Variants in LRRTM4 observed in about 807,000 individuals in gnomAD.
LRRTM4 encodes leucine rich repeat transmembrane neuronal 4, also known as leucine-rich repeat transmembrane neuronal protein 4.
In LRRTM4, 25 loss-of-function variants were observed where a neutral mutation model predicts 47.6. The ratio of observed to expected loss-of-function variants is 0.53; its 90% CI spans 0.38 to 0.73. LRRTM4 has a LOEUF of 0.73. Among genes scored for constraint, LRRTM4 ranks in the 30% least tolerant of loss-of-function variants. LRRTM4 has a pLI of 0.00. For missense variants in LRRTM4, 638 were observed against 713.4 expected (o/e 0.89, Z 1.20); for synonymous variants, 311 against 269.5 (o/e 1.15, Z -1.51).
chr2:77,107,137 T>C (rs1671113515), intron 3 of LRRTM4, among the ~76,000 whole-genome samples: 2 of 152,016 alleles, frequency 1.3e-5, no homozygotes, highest in South Asian at 4.1e-4. Context: ...TCACTAACAA[T>C]TGGAAGTTAA....
At chr2:77,276,509 T>A (rs147613370) in intron 3 of LRRTM4, among the ~76,000 whole-genome samples, 2 of 148,270 alleles carry the variant, frequency 1.3e-5, no homozygotes, top group African/African-American at 5.1e-5. Context: ...ATATATAATA[T>A]ATATATGTGT....
At chr2:76,788,499 GCT>G (rs546345547) in intron 3 of LRRTM4, among the ~76,000 whole-genome samples, 188 of 152,288 alleles carry the variant, frequency 1.2e-3, no homozygotes, top group Non-Finnish European at 2.1e-3. Context: ...AGAGTGTAAT[GCT>G]CTCTATTTAA....
chr2:77,199,290 C>A (rs766363911), intron 3 of LRRTM4, among the ~76,000 whole-genome samples: 1 of 152,004 alleles, frequency 6.6e-6, no homozygotes, highest in Admixed American at 6.6e-5. Flanking sequence ...CCCAAACCAC[C>A]CTAAACTCAT....
intron 3 of LRRTM4, among the ~76,000 whole-genome samples, chr2:77,111,740 G>A (rs950209349): frequency 6.6e-6 from 1 of 152,070 alleles, no homozygotes; most frequent in Non-Finnish European, 1.5e-5. Context: ...GCCCTAGAGT[G>A]CAAGAGTAGT....
At chr2:77,502,287 A>T (rs1477534060) in intron 3 of LRRTM4, among the ~76,000 whole-genome samples, 1 of 151,402 alleles carries the variant, frequency 6.6e-6, no homozygotes, top group Non-Finnish European at 1.5e-5. Context: ...AGTTATATAA[A>T]TTTTTTAAAT....
At chr2:77,167,996 T>A (rs1672937618) in intron 3 of LRRTM4, among the ~76,000 whole-genome samples, 1 of 152,090 alleles carries the variant, frequency 6.6e-6, no homozygotes, top group Admixed American at 6.6e-5. Context: ...ATTATTGTTT[T>A]ATTATAGGGA....
At chr2:77,369,524 A>G (rs1472008349) in intron 3 of LRRTM4, among the ~76,000 whole-genome samples, 1 of 151,804 alleles carries the variant, frequency 6.6e-6, no homozygotes. Context: ...TTTTCGCTAA[A>G]TAAGTAGATG....
At chr2:77,449,157 T>A (rs1014198677) in intron 3 of LRRTM4, among the ~76,000 whole-genome samples, 1 of 152,188 alleles carries the variant, frequency 6.6e-6, no homozygotes, top group Non-Finnish European at 1.5e-5. Flanking sequence ...TCTTAAGGAA[T>A]CTGATTAGTT....
chr2:77,036,462 T>C (rs893379651), intron 3 of LRRTM4, among the ~76,000 whole-genome samples: 2 of 151,676 alleles, frequency 1.3e-5, no homozygotes, highest in African/African-American at 2.4e-5. Flanking sequence ...TGCTCAGATA[T>C]CTCATCCTTT....
chr2:77,088,156 T>G (rs994233403), intron 3 of LRRTM4, among the ~76,000 whole-genome samples: 1 of 152,210 alleles, frequency 6.6e-6, no homozygotes, highest in African/African-American at 2.4e-5. Context: ...TTACTAAATT[T>G]CTTCTGCTGT....
rs1193980867 is a variant in LRRTM4, at chr2:76,748,208, A to AT, written c.*486dup. Reference sequence around the variant, plus strand: ...AACAAACAAAACAAGAACAAACAGCATTTTTAAAGAAAAAATAAATGAAAG... The same window carrying AT: ...AACAAACAAAACAAGAACAAACAGCATTTTTTAAAGAAAAAATAAATGAAAG... On this transcript the variant is annotated 3_prime_UTR_variant, in exon 4 of 4. Coordinates refer to ENST00000409884, the MANE Select transcript of LRRTM4 (RefSeq NM_001134745.3). The AT allele has an allele frequency of 2.0e-5, 3 of 153,644 alleles. No individual in the cohort carries two copies. The highest frequency in any genetic ancestry group is 4.3e-5 in the Non-Finnish European group (3 of 69,138). 9.5% of individuals were successfully genotyped at this position (153,644 alleles called of 1,614,324 possible).
intron 3 of LRRTM4, among the ~76,000 whole-genome samples, chr2:77,419,802 G>GA (rs535894028): frequency 7.5e-5 from 11 of 146,140 alleles, no homozygotes; most frequent in South Asian, 2.1e-4. Context: ...GGAGCTTCAA[G>GA]AAAAAAAAAA....
chr2:77,120,515 TA>T (rs1438655660), intron 3 of LRRTM4, among the ~76,000 whole-genome samples: 1 of 151,834 alleles, frequency 6.6e-6, no homozygotes, highest in Non-Finnish European at 1.5e-5. Flanking sequence ...GGAAATATTA[TA>T]ATAGTCATTT....
intron 3 of LRRTM4, among the ~76,000 whole-genome samples, chr2:77,281,626 G>A (rs1367431148): frequency 6.6e-6 from 1 of 151,832 alleles, no homozygotes; most frequent in Admixed American, 6.6e-5. Context: ...ATTTGCAGCT[G>A]TTCTCAACTG....
At chr2:77,312,541 G>A (rs1271277761) in intron 3 of LRRTM4, among the ~76,000 whole-genome samples, 1 of 152,090 alleles carries the variant, frequency 6.6e-6, no homozygotes, top group African/African-American at 2.4e-5. Flanking sequence ...AATATTCATT[G>A]TATTTATTTC....
At chr2:77,277,656 T>G (rs1241165656) in intron 3 of LRRTM4, among the ~76,000 whole-genome samples, 2 of 152,024 alleles carry the variant, frequency 1.3e-5, no homozygotes, top group East Asian at 1.9e-4. Flanking sequence ...AGTGCACTCT[T>G]AAATTTCTCC....
chr2:77,342,525 A>G (rs1179840363), intron 3 of LRRTM4, among the ~76,000 whole-genome samples: 1 of 152,022 alleles, frequency 6.6e-6, no homozygotes, highest in Non-Finnish European at 1.5e-5. Flanking sequence ...TTGCCAATTC[A>G]TAACTGTTAG....
intron 3 of LRRTM4, among the ~76,000 whole-genome samples, chr2:76,784,293 C>T (rs1460640455): frequency 6.6e-6 from 1 of 151,884 alleles, no homozygotes; most frequent in African/African-American, 2.4e-5. Context: ...CCTATGCATA[C>T]TTTGAAAAAT....
intron 3 of LRRTM4, among the ~76,000 whole-genome samples, chr2:76,877,694 A>T (rs1199347851): frequency 2.0e-5 from 3 of 152,192 alleles, no homozygotes; most frequent in Non-Finnish European, 4.4e-5. Context: ...TATCAGTGAC[A>T]CCTAGATATA....
Sources: allele counts gnomAD v4.1 joint callset (sites outside exome capture counted in the v4.1 genomes callset), GRCh38; gene constraint gnomAD v4.1.1; transcripts MANE v1.5; gene names NCBI Gene and HGNC (gene_info 2026-07-23, HGNC 2026-07-21).